THSD4: variants seen among roughly 807,000 people sequenced by gnomAD.
The protein encoded by THSD4 is thrombospondin type 1 domain containing 4.
A neutral mutation model predicts 119.0 loss-of-function variants in THSD4; 69 were observed. The ratio of observed to expected loss-of-function variants is 0.58; its 90% CI spans 0.48 to 0.71. THSD4 has a LOEUF of 0.71. Ranked by LOEUF, THSD4 falls within the 30% of genes least tolerant of loss-of-function variation. THSD4 has a pLI of 0.00. For missense variants in THSD4, 1,393 were observed against 1,391.1 expected (o/e 1.00, Z -0.02); for synonymous variants, 524 against 540.4 (o/e 0.97, Z 0.42).
At chr15:71,774,558 C>T (rs894349921) in intron 17 of THSD4, among the ~76,000 whole-genome samples, 1 of 152,024 alleles carries the variant, frequency 6.6e-6, no homozygotes, top group Non-Finnish European at 1.5e-5. Context: ...GATATTATTA[C>T]CTTTGACTTA....
chr15:71,192,069 A>AT (rs759795341), intron 3 of THSD4, among the ~76,000 whole-genome samples: 1 of 151,282 alleles, frequency 6.6e-6, no homozygotes, highest in African/African-American at 2.4e-5. Context: ...TGCCCAGCTA[A>AT]TTTTTTGTAT....
chr15:71,434,583 G>C (rs1169274675), intron 7 of THSD4, among the ~76,000 whole-genome samples: 2 of 151,876 alleles, frequency 1.3e-5, no homozygotes, highest in Admixed American at 1.3e-4. Flanking sequence ...AGAGGAGATA[G>C]TTTAGCGTGG....
intron 6 of THSD4, among the ~76,000 whole-genome samples, chr15:71,353,616 A>G (rs2045771899): frequency 6.6e-6 from 1 of 152,216 alleles, no homozygotes; most frequent in African/African-American, 2.4e-5. Flanking sequence ...CTCTGTGAAC[A>G]CATTCCCATG....
chr15:71,657,742 A>G (rs754694550), intron 7 of THSD4, among the ~76,000 whole-genome samples: 1 of 152,164 alleles, frequency 6.6e-6, no homozygotes, highest in Non-Finnish European at 1.5e-5. Flanking sequence ...CTACTTCGAC[A>G]TCTACCAGGA....
chr15:71,470,721 C>G lies in THSD4; in HGVS notation c.1152+58898C>G, dbSNP rs1004160234. 3.3e-5 allele frequency among the ~76,000 whole-genome samples: 5 copies of G among 151,894 alleles called. No individual in the cohort carries two copies. The South Asian group carries it at 1.0e-3, about 32-fold the overall frequency. On this transcript the variant is annotated intron_variant, in intron 7 of 17. Coordinates refer to ENST00000261862, the MANE Select transcript of THSD4 (RefSeq NM_024817.3). ...CGCAATCTCGGCTCACTGCAAGCTC[C>G]GCTTCCCGGGTTCACGCCATTCTCC...
chr15:71,685,955 T>G (rs748112874), intron 8 of THSD4, among the ~76,000 whole-genome samples: 2 of 152,146 alleles, frequency 1.3e-5, no homozygotes, highest in Non-Finnish European at 2.9e-5. Context: ...AATATATCCA[T>G]TTTTTTAAAC....
At chr15:71,135,962 A>C (rs1414919468) in intron 1 of THSD4, among the ~76,000 whole-genome samples, 1 of 147,552 alleles carries the variant, frequency 6.8e-6, no homozygotes, top group African/African-American at 2.5e-5. Context: ...CCCCAAACAC[A>C]CAAGTCCTTT....
chr15:71,637,501 G>A (rs894953148), intron 7 of THSD4, among the ~76,000 whole-genome samples: 9 of 152,108 alleles, frequency 5.9e-5, no homozygotes, highest in East Asian at 1.9e-4. Context: ...AAGACCCCAC[G>A]TGCAGGGAAA....
At chr15:71,598,343 C>A (rs111727924) in intron 7 of THSD4, among the ~76,000 whole-genome samples, 2 of 152,050 alleles carry the variant, frequency 1.3e-5, no homozygotes, top group African/African-American at 2.4e-5. Context: ...AAAAGTCAAA[C>A]GGGACACATC....
At position 71,765,265 on chromosome 15, in the gene THSD4, C is replaced by T. The variant is rs1319782358; in HGVS notation, c.2769+66C>T. On this transcript the variant is annotated intron_variant, in intron 16 of 17. Transcript: ENST00000261862. Reference sequence around the variant, plus strand: ...CGTCCCCCACCTGAACTCCTATAGACCCCTCTGGGCCAGGCACTGGGTTCA... The same window carrying T: ...CGTCCCCCACCTGAACTCCTATAGATCCCTCTGGGCCAGGCACTGGGTTCA... 7 of 1,515,034 alleles carry T rather than the reference C, an allele frequency of 4.6e-6. No homozygotes were observed. In the Admixed American group the frequency reaches 6.6e-5, roughly 14 times the overall value. The allele number at this position is 1,515,034 out of a possible 1,614,324, so 93.8% of individuals were successfully genotyped here.
At chr15:71,644,975 T>TG (rs1233925433) in intron 7 of THSD4, among the ~76,000 whole-genome samples, 1 of 152,198 alleles carries the variant, frequency 6.6e-6, no homozygotes, top group Non-Finnish European at 1.5e-5. Flanking sequence ...AGCCTGCCCC[T>TG]GCTCAAGAGC....
chr15:71,743,762 C>T (rs1172081933), intron 11 of THSD4, among the ~76,000 whole-genome samples: 1 of 152,174 alleles, frequency 6.6e-6, no homozygotes, highest in Non-Finnish European at 1.5e-5. Context: ...TTTCTTACTA[C>T]CCTCTGGGTC....
intron 7 of THSD4, among the ~76,000 whole-genome samples, chr15:71,548,642 G>A (rs1480005231): frequency 6.6e-6 from 1 of 152,206 alleles, no homozygotes; most frequent in Non-Finnish European, 1.5e-5. Context: ...GGCCTGTGGG[G>A]GGATTGAGCC....
In THSD4 at chr15:71,554,428, C is replaced by G. The variant is rs146678761; in HGVS notation, c.1153-106102C>G. Among the ~76,000 whole-genome samples the G allele has an allele frequency of 1.2e-3, 180 of 152,074 alleles. 4 individuals carry two copies. The East Asian group carries it at 0.03, about 26-fold the overall frequency. On this transcript the variant is annotated intron_variant, in intron 7 of 17. Transcript: ENST00000261862. ...TTTGAGACAAGATCTCACTCTGTCA[C>G]CCAGGCTGGAAGTGCAGTGCCCCAA...
intron 8 of THSD4, among the ~76,000 whole-genome samples, chr15:71,681,762 C>T (rs1009791482): frequency 1.3e-5 from 2 of 151,940 alleles, no homozygotes; most frequent in South Asian, 4.2e-4. Flanking sequence ...TGAGTTGTAT[C>T]CAGTAAATAT....
intron 7 of THSD4, among the ~76,000 whole-genome samples, chr15:71,451,706 T>G (rs146350376): frequency 6.6e-6 from 1 of 152,180 alleles, no homozygotes; most frequent in Non-Finnish European, 1.5e-5. Context: ...AGGCCTGTTT[T>G]GGAAAACTGC....
chr15:71,478,046 C>G (rs1449350152), intron 7 of THSD4, among the ~76,000 whole-genome samples: 2 of 152,202 alleles, frequency 1.3e-5, no homozygotes, highest in Non-Finnish European at 1.5e-5. Context: ...TGCCTTGGCA[C>G]AATGTTTTCC....
At chr15:71,328,148 T>G (rs1386525876) in intron 6 of THSD4, among the ~76,000 whole-genome samples, 1 of 152,240 alleles carries the variant, frequency 6.6e-6, no homozygotes, top group Admixed American at 6.5e-5. Context: ...TGGTCCCGAC[T>G]GGGACACCGT....
At chr15:71,167,881 A>G (rs2043309335) in intron 3 of THSD4, among the ~76,000 whole-genome samples, 1 of 152,248 alleles carries the variant, frequency 6.6e-6, no homozygotes, top group East Asian at 1.9e-4. Context: ...AGGAAAAGAC[A>G]TAATTTGTAA....
Sources: allele counts gnomAD v4.1 joint callset (sites outside exome capture counted in the v4.1 genomes callset), GRCh38; gene constraint gnomAD v4.1.1; transcripts MANE v1.5; gene names NCBI Gene and HGNC (gene_info 2026-07-23, HGNC 2026-07-21).